Variants in CTBP2 observed in about 807,000 individuals in gnomAD.
CTBP2 encodes C-terminal binding protein 2, also known as C-terminal-binding protein 2.
A neutral mutation model predicts 80.3 loss-of-function variants in CTBP2; 30 were observed. The observed-to-expected ratio is 0.37, with a 90% CI of 0.28 to 0.51. The LOEUF (loss-of-function observed/expected upper bound fraction) is 0.51, where lower values mean the gene tolerates loss of function less well. Ranked by LOEUF, CTBP2 falls within the 20% of genes least tolerant of loss-of-function variation. The pLI is 0.93. For synonymous variants in CTBP2, 594 were observed against 587.4 expected, an observed-to-expected ratio of 1.01 and a Z score of -0.16; for missense variants, 1,212 against 1,375.3, an observed-to-expected ratio of 0.88 and a Z score of 1.88.
intron 2 of CTBP2, among the ~76,000 whole-genome samples, chr10:125,047,397 A>T (rs887182458): frequency 6.6e-6 from 1 of 152,260 alleles, no homozygotes. Context: ...CAGAAAACTC[A>T]TCTTTTGTTA....
chr10:125,049,275 G>A (rs753146446), intron 2 of CTBP2, among the ~76,000 whole-genome samples: 12 of 152,114 alleles, frequency 7.9e-5, no homozygotes, highest in South Asian at 6.2e-4. Context: ...AGTCCCCACC[G>A]TCACAGGACA....
intron 1 of CTBP2, chr10:125,006,051 G>A (rs903764299): frequency 1.4e-5 from 19 of 1,340,496 alleles, no homozygotes; most frequent in Non-Finnish European, 1.7e-5. Flanking sequence ...GCATGGATCC[G>A]TTACCAGGGT....
At chr10:125,075,816 C>T (rs1051015732) in intron 2 of CTBP2, among the ~76,000 whole-genome samples, 3 of 152,214 alleles carry the variant, frequency 2.0e-5, no homozygotes, top group South Asian at 4.1e-4. Flanking sequence ...GAACACAACT[C>T]CCATGCGCAG....
intron 2 of CTBP2, among the ~76,000 whole-genome samples, chr10:125,054,594 T>C (rs1346080307): frequency 6.6e-6 from 1 of 152,184 alleles, no homozygotes; most frequent in Non-Finnish European, 1.5e-5. Context: ...GACAATAAAG[T>C]TTTGTTGTTT....
At position 125,027,798 on chromosome 10, in the gene CTBP2, T is replaced by G; in HGVS notation, c.-39A>C. On this transcript the variant is annotated 5_prime_UTR_variant, in exon 1 of 9. Transcript: ENST00000309035. ...ACTGCGGATGAGGCAGAGGAGAAGC[T>G]TTTCTTTATAAATCTTCAATTACAT... 6.8e-7 allele frequency: 1 copy of G among 1,476,046 alleles called. No homozygotes were observed. Among genetic ancestry groups the G allele is most frequent in the East Asian group, 2.5e-5 (1 of 40,430 alleles). 91.4% of individuals were successfully genotyped at this position (1,476,046 alleles called of 1,614,324 possible).
chr10:125,011,120 G>C (rs796359328), intron 1 of CTBP2, among the ~76,000 whole-genome samples: 5 of 152,332 alleles, frequency 3.3e-5, no homozygotes, highest in African/African-American at 1.2e-4. Flanking sequence ...TGAGCACCCA[G>C]GGGCTGTGCT....
intron 4 of CTBP2, 38 bp from the exon 7 acceptor site, chr10:124,994,721 A>G: frequency 1.2e-6 from 2 of 1,603,284 alleles, no homozygotes; most frequent in Non-Finnish European, 1.7e-6. Context: ...GTGAGTCCAC[A>G]GCCCGCGCCC....
chr10:125,038,896 T>C, intron 3 of CTBP2, 101 bp downstream of exon 3: 1 of 1,177,802 alleles, frequency 8.5e-7, no homozygotes, highest in Non-Finnish European at 1.2e-6. Context: ...GAGGAGGGAC[T>C]CTGGCTTGGG....
intron 2 of CTBP2, among the ~76,000 whole-genome samples, chr10:125,105,744 G>A (rs1478271113): frequency 6.6e-6 from 1 of 152,126 alleles, no homozygotes; most frequent in African/African-American, 2.4e-5. Context: ...CAATGGTAAC[G>A]CATAAATGTT....
At chr10:125,073,075 C>T (rs1452801503) in intron 2 of CTBP2, among the ~76,000 whole-genome samples, 4 of 152,206 alleles carry the variant, frequency 2.6e-5, no homozygotes, top group South Asian at 4.1e-4. Context: ...AGTTCCACGC[C>T]GGCTCGCCCA....
rs563403781 is a variant in CTBP2, at chr10:125,053,989, G to A, written c.-101-14834C>T. ...CTTCTGGGGAATCCGAAGCCGGATAGCTCTGCACAGCCACCCACCGGTGAC... is the reference window on the plus strand; with the variant it reads ...CTTCTGGGGAATCCGAAGCCGGATAACTCTGCACAGCCACCCACCGGTGAC... On this transcript the variant is annotated intron_variant, in intron 2 of 10. Coordinates refer to the CTBP2 transcript ENST00000337195. 2.0e-5 allele frequency among the ~76,000 whole-genome samples: 3 copies of A among 152,236 alleles called. No individual in the cohort carries two copies. In the South Asian group the frequency reaches 6.2e-4, roughly 32 times the overall value.
chr10:125,036,143 T>G (rs1463106525), intron 3 of CTBP2, among the ~76,000 whole-genome samples: 5 of 152,144 alleles, frequency 3.3e-5, no homozygotes, highest in African/African-American at 9.7e-5. Flanking sequence ...CACGGCAGAT[T>G]CTGGGCACAC....
At chr10:125,011,860 T>C (rs576270313) in intron 1 of CTBP2, among the ~76,000 whole-genome samples, 7 of 152,328 alleles carry the variant, frequency 4.6e-5, no homozygotes, top group African/African-American at 1.7e-4. Context: ...ACTGGTGGCT[T>C]TTTGGAAGCC....
chr10:125,134,893 C>T (rs1486053486), intron 1 of CTBP2, among the ~76,000 whole-genome samples: 1 of 148,164 alleles, frequency 6.7e-6, no homozygotes, highest in Non-Finnish European at 1.5e-5. Flanking sequence ...CTGCCCCCTG[C>T]CCCCTGCCCC....
Position 125,027,197 on chromosome 10 carries a change from C to G in CTBP2, c.563G>C (p.Arg188Pro). The G allele has an allele frequency of 6.2e-7, 1 of 1,609,372 alleles. No homozygotes were observed. Among genetic ancestry groups the G allele is most frequent in the Non-Finnish European group, 8.5e-7 (1 of 1,176,624 alleles). The change falls in exon 1 of 9, where the codon CGG becomes CCG. Residue 188 changes from arginine (R) to proline (P), a missense_variant. Coordinates refer to ENST00000309035, the MANE Select transcript of CTBP2 (RefSeq NM_022802.3). Reference sequence around the variant, plus strand: ...GGTGTCGGGCTGCTCCCGTCCATACCGCCCGGGAGATGCAGCCCTGCTCTG... The same window carrying G: ...GGTGTCGGGCTGCTCCCGTCCATACGGCCCGGGAGATGCAGCCCTGCTCTG...
intron 2 of CTBP2, among the ~76,000 whole-genome samples, chr10:125,058,300 T>C (rs6597876): frequency 0.24 from 36,461 of 151,918 alleles, 5,460 homozygotes; most frequent in African/African-American, 0.43. Context: ...GTTCTTCACG[T>C]GATACGATTG....
chr10:125,029,041 GA>G (rs571610049), upstream of CTBP2, among the ~76,000 whole-genome samples: 147 of 152,114 alleles, frequency 9.7e-4, no homozygotes, highest in Admixed American at 3.7e-3. Flanking sequence ...CCATGACAAA[GA>G]ATTCATAGCA....
intron 2 of CTBP2, among the ~76,000 whole-genome samples, chr10:125,081,115 T>C (rs2135557294): frequency 6.6e-6 from 1 of 152,290 alleles, no homozygotes; most frequent in East Asian, 1.9e-4. Flanking sequence ...GTCCTGAGCA[T>C]TCCCGCCCAA....
chr10:125,044,723 G>A (rs1382565375), intron 2 of CTBP2, among the ~76,000 whole-genome samples: 1 of 152,128 alleles, frequency 6.6e-6, no homozygotes, highest in Non-Finnish European at 1.5e-5. Context: ...TGTGAATAAA[G>A]CCACTGCACT....
Sources: allele counts gnomAD v4.1 joint callset (sites outside exome capture counted in the v4.1 genomes callset), GRCh38; gene constraint gnomAD v4.1.1; transcripts MANE v1.5; gene names NCBI Gene and HGNC (gene_info 2026-07-23, HGNC 2026-07-21).